TMEM232: variants seen among roughly 807,000 people sequenced by gnomAD.
The protein encoded by TMEM232 is transmembrane protein 232.
In TMEM232, 80 loss-of-function variants were observed where a neutral mutation model predicts 78.8. That is an observed-to-expected ratio of 1.01 (90% CI 0.85 to 1.22). The LOEUF (loss-of-function observed/expected upper bound fraction) is 1.22. TMEM232 is among the 50% of genes most tolerant of loss of function. TMEM232 has a pLI of 0.00. For synonymous variants in TMEM232, 297 were observed against 254.3 expected (o/e 1.17, Z -1.60); for missense variants, 881 against 742.2 (o/e 1.19, Z -2.17).
intron 2 of TMEM232, among the ~76,000 whole-genome samples, chr5:110,643,568 A>C (rs1787051000): frequency 6.6e-6 from 1 of 152,082 alleles, no homozygotes; most frequent in African/African-American, 2.4e-5. Context: ...TATCAAAGGA[A>C]TAGTGAACAG....
intron 12 of TMEM232, among the ~76,000 whole-genome samples, chr5:110,441,418 C>A (rs1759029757): frequency 6.6e-6 from 1 of 152,216 alleles, no homozygotes; most frequent in Non-Finnish European, 1.5e-5. Flanking sequence ...CAGGAAGTTT[C>A]AAGTTTCCTT....
chr5:110,652,699 T>C lies in TMEM232; in HGVS notation c.126-10328A>G, dbSNP rs541678784. On this transcript the variant is annotated intron_variant, in intron 2 of 13. Coordinates refer to ENST00000455884, the MANE Select transcript of TMEM232 (RefSeq NM_001039763.4). ...TTCCTGCCCATCACAATAGACATTATTGTAAAAATTAAAACTTATTTAGTG... is the reference window on the plus strand; with the variant it reads ...TTCCTGCCCATCACAATAGACATTACTGTAAAAATTAAAACTTATTTAGTG... 1.2e-4 allele frequency among the ~76,000 whole-genome samples: 19 copies of C among 152,256 alleles called. 1 individual carries two copies. The highest frequency in any genetic ancestry group is 2.1e-4 in the Non-Finnish European group (14 of 68,012).
chr5:110,425,317 T>C (rs1045398353), intron 12 of TMEM232, among the ~76,000 whole-genome samples: 1 of 152,106 alleles, frequency 6.6e-6, no homozygotes, highest in African/African-American at 2.4e-5. Flanking sequence ...TTCAGTGAAA[T>C]TGTTGGCAGT....
chr5:110,478,736 T>C (rs751764786), intron 12 of TMEM232, among the ~76,000 whole-genome samples: 2 of 151,778 alleles, frequency 1.3e-5, no homozygotes, highest in Non-Finnish European at 3.0e-5. Context: ...AGGCAATGTT[T>C]TGAGTTTACT....
intron 7 of TMEM232, among the ~76,000 whole-genome samples, chr5:110,619,584 AAC>A (rs1392324698): frequency 6.6e-6 from 1 of 152,202 alleles, no homozygotes; most frequent in Non-Finnish European, 1.5e-5. Flanking sequence ...ACAGTGTTAG[AAC>A]ACACCACAGA....
intron 12 of TMEM232, among the ~76,000 whole-genome samples, chr5:110,482,521 C>G (rs1019383043): frequency 2.0e-5 from 3 of 151,530 alleles, no homozygotes; most frequent in African/African-American, 7.3e-5. Context: ...GCGGATGTTG[C>G]AGTGAGCCGA....
At chr5:110,423,343 G>A (rs1756876028) in intron 13 of TMEM232, among the ~76,000 whole-genome samples, 1 of 152,122 alleles carries the variant, frequency 6.6e-6, no homozygotes, top group African/African-American at 2.4e-5. Flanking sequence ...GATTTATAGG[G>A]TTGTGAGGAT....
At chr5:110,668,889 A>C (rs942207375) in intron 1 of TMEM232, among the ~76,000 whole-genome samples, 7 of 152,198 alleles carry the variant, frequency 4.6e-5, no homozygotes, top group Admixed American at 1.3e-4. Context: ...CTGGGTACAT[A>C]ACGAAATGAA....
At chr5:110,439,630 C>A (rs1171887717) in intron 12 of TMEM232, among the ~76,000 whole-genome samples, 1 of 152,002 alleles carries the variant, frequency 6.6e-6, no homozygotes, top group Non-Finnish European at 1.5e-5. Context: ...TGGTGGTTTC[C>A]ATATACAGTT....
At chr5:110,711,733 A>C (rs1435220225) in intron 1 of TMEM232, among the ~76,000 whole-genome samples, 1 of 152,172 alleles carries the variant, frequency 6.6e-6, no homozygotes, top group African/African-American at 2.4e-5. Flanking sequence ...GATATCCATA[A>C]GCAAAAGAAT....
chr5:110,615,993 A>G (rs1170677185), intron 8 of TMEM232, among the ~76,000 whole-genome samples: 2 of 152,050 alleles, frequency 1.3e-5, no homozygotes, highest in East Asian at 3.9e-4. Context: ...AAATGTCCAT[A>G]CTACCCAAAG....
intron 1 of TMEM232, among the ~76,000 whole-genome samples, chr5:110,723,380 C>T (rs564731789): frequency 1.3e-5 from 2 of 152,142 alleles, no homozygotes; most frequent in South Asian, 4.2e-4. Flanking sequence ...GGCAAAATAT[C>T]TATTATATTT....
intron 12 of TMEM232, among the ~76,000 whole-genome samples, chr5:110,427,167 G>C (rs1443347413): frequency 1.3e-5 from 2 of 151,490 alleles, no homozygotes; most frequent in African/African-American, 4.9e-5. Context: ...AAGCATATAG[G>C]CTCTCTACTT....
chr5:110,534,995 C>A (rs1311163531), intron 11 of TMEM232, among the ~76,000 whole-genome samples: 4 of 152,122 alleles, frequency 2.6e-5, no homozygotes, highest in Admixed American at 6.5e-5. Flanking sequence ...CGCCCCTAAT[C>A]CCGCTCAAAG....
chr5:110,635,853 T>C (rs921329815), intron 5 of TMEM232, among the ~76,000 whole-genome samples: 2 of 151,860 alleles, frequency 1.3e-5, no homozygotes, highest in Admixed American at 6.6e-5. Flanking sequence ...AGTGTTTAGG[T>C]TTCTAAGAAA....
chr5:110,523,605 A>G (rs1290547098), intron 12 of TMEM232, among the ~76,000 whole-genome samples: 2 of 152,068 alleles, frequency 1.3e-5, no homozygotes, highest in South Asian at 2.1e-4. Context: ...GTATTGCCTA[A>G]TTTTAAAAAA....
chr5:110,657,375 A>G (rs1486099064), intron 2 of TMEM232, among the ~76,000 whole-genome samples: 3 of 114,134 alleles, frequency 2.6e-5, no homozygotes, highest in Non-Finnish European at 5.7e-5. Context: ...ATGAATGGAT[A>G]TCTATCTGAG....
intron 1 of TMEM232, among the ~76,000 whole-genome samples, chr5:110,719,255 CAT>C (rs1265289688): frequency 1.3e-5 from 2 of 151,668 alleles, no homozygotes; most frequent in Non-Finnish European, 2.9e-5. Context: ...TCATGTGCTG[CAT>C]ATATATGTGC....
chr5:110,642,804 G>A (rs1354359088), intron 2 of TMEM232, among the ~76,000 whole-genome samples: 1 of 152,050 alleles, frequency 6.6e-6, no homozygotes, highest in African/African-American at 2.4e-5. Flanking sequence ...AGGGAGCAAG[G>A]GAAGAAAGAA....
Sources: gnomAD v4.1 joint callset for allele counts (sites outside exome capture counted in the v4.1 genomes callset) on GRCh38, gnomAD v4.1.1 for gene constraint, MANE v1.5 for transcripts, NCBI Gene and HGNC (gene_info 2026-07-23, HGNC 2026-07-21) for gene names.